Variants in SH3GLB1 observed in about 807,000 individuals in gnomAD.
SH3GLB1 encodes the protein SH3 domain containing GRB2 like, endophilin B1, also known as endophilin-B1.
In SH3GLB1, 17 loss-of-function variants were observed where a neutral mutation model predicts 42.0. The ratio of observed to expected loss-of-function variants is 0.40; its 90% CI spans 0.28 to 0.61. SH3GLB1 has a LOEUF of 0.61. Among genes scored for constraint, SH3GLB1 ranks in the 20% least tolerant of loss-of-function variants. The probability of loss-of-function intolerance (pLI) is 0.36; values close to 1 mark genes in which losing one functional copy is unlikely to be tolerated. For missense variants in SH3GLB1, 355 were observed against 426.3 expected (o/e 0.83, Z 1.47); for synonymous variants, 132 against 146.6 (o/e 0.90, Z 0.72).
chr1:86,709,293 C>G (rs889181638), intron 1 of SH3GLB1, among the ~76,000 whole-genome samples: 9 of 152,184 alleles, frequency 5.9e-5, no homozygotes, highest in Middle Eastern at 3.2e-3. Flanking sequence ...TTTAGCCAGG[C>G]AAATTACCAT....
Position 86,737,038 on chromosome 1 carries a change from G to T in SH3GLB1, c.761+1859G>T, listed in dbSNP as rs75412769. ...CCATCACTTTGGTTGAGCTTAAGTT[G>T]TGCATAGGTGCTCTTCCAGACACCT... is the stretch of plus-strand genomic sequence containing the variant. On this transcript the variant is annotated intron_variant, in intron 7 of 8. Transcript: ENST00000370558. Among the ~76,000 whole-genome samples the T allele has an allele frequency of 3.3e-3, 495 of 152,304 alleles. 4 individuals are homozygous for T. The highest frequency in any genetic ancestry group is 0.011 in the African/African-American group (470 of 41,574).
Position 86,734,638 on chromosome 1 carries a change from G to C in SH3GLB1, c.607G>C (p.Asp203His). 1 of 1,613,264 alleles carries C rather than the reference G, an allele frequency of 6.2e-7. No homozygotes were observed. Among genetic ancestry groups the C allele is most frequent in the Non-Finnish European group, 8.5e-7 (1 of 1,179,452 alleles). Residue 203 changes from aspartate to histidine, a missense_variant, in exon 6 of 9, where the codon GAT (aspartate) becomes CAT (histidine). Transcript: ENST00000370558. Reference sequence around the variant, plus strand: ...ATTAAGAATAACTCAAAGTGAATTTGATCGTCAAGCAGAGATTACCAGACT... The same window carrying C: ...ATTAAGAATAACTCAAAGTGAATTTCATCGTCAAGCAGAGATTACCAGACT... ...QELRITQSEFDRQAEITRLLL... is the reference protein window; with the variant it reads ...QELRITQSEFHRQAEITRLLL...
Position 86,719,556 on chromosome 1 carries a change from A to T in SH3GLB1, c.264A>T (p.Pro88=). ...FVYEKLDRKA[P]SRINNPELLG... The stretch of plus-strand genomic sequence containing the variant: ...ATGAGAAACTGGATAGAAAAGCTCC[A>T]AGTCGTATAAACAACCCAGAACTTT... The change falls in exon 3 of 9, where the codon CCA becomes CCT. Residue 88 remains proline, a synonymous_variant. Transcript: ENST00000370558. 6.2e-7 allele frequency: 1 copy of T among 1,611,180 alleles called. No homozygotes were observed. The highest frequency in any genetic ancestry group is 8.5e-7 in the Non-Finnish European group (1 of 1,178,492).
chr1:86,716,945 CA>C (rs1654571782), intron 2 of SH3GLB1, among the ~76,000 whole-genome samples: 1 of 152,132 alleles, frequency 6.6e-6, no homozygotes, highest in Non-Finnish European at 1.5e-5. Flanking sequence ...TAAATATTAG[CA>C]GTTCTCTATC....
intron 7 of SH3GLB1, among the ~76,000 whole-genome samples, chr1:86,741,742 G>A (rs1468032385): frequency 6.6e-6 from 1 of 151,952 alleles, no homozygotes; most frequent in Non-Finnish European, 1.5e-5. Flanking sequence ...TATTTTATTT[G>A]AATAGGAAAA....
At chr1:86,725,810 A>G (rs1331151079) in intron 5 of SH3GLB1, among the ~76,000 whole-genome samples, 1 of 152,164 alleles carries the variant, frequency 6.6e-6, no homozygotes, top group East Asian at 1.9e-4. Flanking sequence ...TATGAGCAGA[A>G]TAAGTTATTT....
chr1:86,733,268 C>G (rs1005380625), intron 5 of SH3GLB1, among the ~76,000 whole-genome samples: 1 of 152,108 alleles, frequency 6.6e-6, no homozygotes, highest in Non-Finnish European at 1.5e-5. Context: ...ATTATTAGTC[C>G]CCTCTGCTAG....
chr1:86,734,924 G>A (rs189285632), intron 6 of SH3GLB1, among the ~76,000 whole-genome samples, 155 bp from the exon 7 acceptor site: 1 of 152,274 alleles, frequency 6.6e-6, no homozygotes, highest in Admixed American at 6.5e-5. Context: ...GTTTGCTAGT[G>A]TACTATTCAC....
intron 4 of SH3GLB1, among the ~76,000 whole-genome samples, chr1:86,723,888 GGCT>G (rs1655008867): frequency 6.6e-6 from 1 of 152,066 alleles, no homozygotes; most frequent in African/African-American, 2.4e-5. Flanking sequence ...TGACGTTTTG[GGCT>G]GCACAATTCC....
chr1:86,707,566 T>C (rs12409329), intron 1 of SH3GLB1, among the ~76,000 whole-genome samples: 8,440 of 152,220 alleles, frequency 0.055, 481 homozygotes, highest in East Asian at 0.32. Context: ...CTTTAATGTG[T>C]CTGTAATTGT....
chr1:86,712,762 G>GTTAAAATAA (rs1197123341), intron 1 of SH3GLB1, among the ~76,000 whole-genome samples: 2 of 144,188 alleles, frequency 1.4e-5, no homozygotes, highest in African/African-American at 5.5e-5. Flanking sequence ...AACTAAAATA[G>GTTAAAATAA]TTAAAAAAAA....
rs569260283 is a variant in SH3GLB1, at chr1:86,718,374, T to C, written c.215-1133T>C. On this transcript the variant is annotated intron_variant, in intron 2 of 8. Transcript: ENST00000370558. ...ATGAAGTTCTGAAATTTAACTAGTA[T>C]CTTCTAAATGGTTATGTTTTAAAAA... is the stretch of plus-strand genomic sequence containing the variant. 3.3e-4 allele frequency among the ~76,000 whole-genome samples: 51 copies of C among 152,286 alleles called. 1 individual carries two copies. Among genetic ancestry groups the C allele is most frequent in the Non-Finnish European group, 3.4e-4 (23 of 68,024 alleles).
rs1398114329 is a variant in SH3GLB1 at position 86,733,528 on chromosome 1, C to CGATAGGTT, written c.571-1074_571-1073insGATAGGTT. Among the ~76,000 whole-genome samples the CGATAGGTT allele has an allele frequency of 3.9e-3, 601 of 152,214 alleles. 6 individuals carry two copies. Among genetic ancestry groups the CGATAGGTT allele is most frequent in the African/African-American group, 0.014 (577 of 41,522 alleles). On this transcript the variant is annotated intron_variant, in intron 5 of 8. Transcript: ENST00000370558. ...ATTTGTGCTGGAGAGGTAGTCAAAC[C>CGATAGGTT]TATCATTATAATGATGATGTAACCA...
chr1:86,739,586 A>G (rs1386510325), intron 7 of SH3GLB1, among the ~76,000 whole-genome samples: 2 of 152,176 alleles, frequency 1.3e-5, no homozygotes, highest in African/African-American at 4.8e-5. Context: ...AAATCTTTCA[A>G]GGGGTTTTGG....
At chr1:86,724,892 A>AAAAAAAAAAAATATATATATATAT (rs1291454820) in intron 5 of SH3GLB1, among the ~76,000 whole-genome samples, 4 of 99,700 alleles carry the variant, frequency 4.0e-5, no homozygotes, top group Non-Finnish European at 5.5e-5. Context: ...AAAAAAAAAA[A>AAAAAAAAAAAATATATATATATAT]ATATATATAT....
At chr1:86,728,929 C>T (rs1655357600) in intron 5 of SH3GLB1, among the ~76,000 whole-genome samples, 1 of 152,052 alleles carries the variant, frequency 6.6e-6, no homozygotes, top group African/African-American at 2.4e-5. Flanking sequence ...CATTTCAGGC[C>T]AAGACAGACC....
At chr1:86,729,747 G>A (rs1655403599) in intron 5 of SH3GLB1, among the ~76,000 whole-genome samples, 1 of 151,996 alleles carries the variant, frequency 6.6e-6, no homozygotes, top group Admixed American at 6.6e-5. Flanking sequence ...TAAAATGTTA[G>A]AATTTATACC....
rs1331814720 is a variant in SH3GLB1, at chr1:86,742,063, T to C, written c.762-145T>C. 3 of 610,524 alleles carry C rather than the reference T, an allele frequency of 4.9e-6. No homozygotes were observed. In the African/African-American group the frequency reaches 5.6e-5, roughly 11 times the overall value. 37.8% of individuals were successfully genotyped at this position (610,524 alleles called of 1,614,324 possible). ...GCCCAAGAGGGAAAAGGAAGATAGATATACTTTGTCATTAACGTATTATTA... is the reference window on the plus strand; with the variant it reads ...GCCCAAGAGGGAAAAGGAAGATAGACATACTTTGTCATTAACGTATTATTA... On this transcript the variant is annotated intron_variant, in intron 7 of 8. Coordinates refer to ENST00000370558, the MANE Select transcript of SH3GLB1 (RefSeq NM_016009.5).
chr1:86,705,327 T>C (rs978631737), intron 1 of SH3GLB1, among the ~76,000 whole-genome samples: 16 of 152,212 alleles, frequency 1.1e-4, no homozygotes, highest in Non-Finnish European at 1.6e-4. Context: ...TCCTTTGCGG[T>C]AACCGAGACA....
Sources: gnomAD v4.1 joint callset for allele counts (sites outside exome capture counted in the v4.1 genomes callset) on GRCh38, gnomAD v4.1.1 for gene constraint, MANE v1.5 for transcripts, NCBI Gene and HGNC (gene_info 2026-07-23, HGNC 2026-07-21) for gene names.